NXPE2: variants seen among roughly 807,000 people sequenced by gnomAD.
NXPE2 encodes the protein NXPE family member 2.
Under a neutral mutation model 34.4 loss-of-function variants are expected in NXPE2, and 34 were observed. The observed-to-expected ratio is 0.99, with a 90% confidence interval of 0.75 to 1.31. NXPE2 has a LOEUF of 1.31. Ranked by LOEUF, NXPE2 falls within the 40% of genes most tolerant of loss-of-function variation. NXPE2 has a pLI of 0.00. For missense variants in NXPE2, 649 were observed against 672.5 expected (o/e 0.97, Z 0.39); for synonymous variants, 235 against 231.3 (o/e 1.02, Z -0.15).
At chr11:114,607,932 T>G in the NXPE2 span, among the ~76,000 whole-genome samples, 2 of 152,008 alleles carry the variant, frequency 1.3e-5, no homozygotes, top group African/African-American at 4.8e-5. Flanking sequence ...AAGTATTGCC[T>G]CATGTCTAAC....
At chr11:114,645,830 TTAGA>T in the NXPE2 span, among the ~76,000 whole-genome samples, 3 of 152,216 alleles carry the variant, frequency 2.0e-5, no homozygotes, top group Non-Finnish European at 2.9e-5. Context: ...GTCATGTTCA[TTAGA>T]TAGGCCAAAT....
At chr11:114,594,652 A>G in the NXPE2 span, 10 of 1,547,588 alleles carry the variant, frequency 6.5e-6, no homozygotes, top group African/African-American at 1.2e-4. Flanking sequence ...ACATAAATAA[A>G]GCATTTCCTA....
chr11:114,586,659 G>T, the NXPE2 span, among the ~76,000 whole-genome samples: 2 of 152,114 alleles, frequency 1.3e-5, no homozygotes, highest in African/African-American at 2.4e-5. Context: ...GGCACTGAAG[G>T]TTCCTTGCCA....
the NXPE2 span, among the ~76,000 whole-genome samples, chr11:114,795,215 G>C: frequency 2.0e-5 from 3 of 152,272 alleles, no homozygotes; most frequent in South Asian, 6.2e-4. Flanking sequence ...GTTTGCAAGT[G>C]GTTGGAGAAG....
At chr11:114,690,513 T>C (rs1951130505) in intron 2 of NXPE2, among the ~76,000 whole-genome samples, 1 of 152,164 alleles carries the variant, frequency 6.6e-6, no homozygotes. Context: ...CCTTTTTCTC[T>C]AGCTGCCTTT....
intron 3 of NXPE2, among the ~76,000 whole-genome samples, chr11:114,700,488 A>G (rs984249476): frequency 2.0e-5 from 3 of 152,072 alleles, no homozygotes; most frequent in Non-Finnish European, 4.4e-5. Flanking sequence ...TCTAGGAACC[A>G]TGGTGGAGGT....
the NXPE2 span, among the ~76,000 whole-genome samples, chr11:114,630,882 T>C: frequency 1.3e-5 from 2 of 151,806 alleles, no homozygotes; most frequent in African/African-American, 4.8e-5. Flanking sequence ...CAGACACTTC[T>C]TAAAAGAAGA....
chr11:114,480,149 A>G, the NXPE2 span, among the ~76,000 whole-genome samples: 201 of 152,204 alleles, frequency 1.3e-3, 2 homozygotes, highest in African/African-American at 4.5e-3. Context: ...TTGGAGGGGG[A>G]CACACATCCA....
chr11:114,530,037 G>T, the NXPE2 span: 1 of 839,044 alleles, frequency 1.2e-6, no homozygotes, highest in Non-Finnish European at 1.8e-6. Flanking sequence ...GTGAGTAGAG[G>T]CCCCAAGAAG....
the NXPE2 span, chr11:114,570,760 G>T: frequency 1.9e-6 from 1 of 520,584 alleles, no homozygotes; most frequent in Non-Finnish European, 3.4e-6. Flanking sequence ...ATTTTTAAGT[G>T]GAAGCCCAGA....
At chr11:114,688,074 G>A (rs868473109) in intron 2 of NXPE2, among the ~76,000 whole-genome samples, 1 of 151,956 alleles carries the variant, frequency 6.6e-6, no homozygotes, top group Non-Finnish European at 1.5e-5. Context: ...CTATTTTGAT[G>A]ACTTTTATTT....
the NXPE2 span, among the ~76,000 whole-genome samples, chr11:114,662,269 T>C: frequency 4.6e-5 from 7 of 152,208 alleles, no homozygotes; most frequent in Middle Eastern, 6.8e-3. Context: ...GGCCTTGAAC[T>C]CAGTGCTGCC....
At chr11:114,647,941 C>G in the NXPE2 span, among the ~76,000 whole-genome samples, 5 of 152,146 alleles carry the variant, frequency 3.3e-5, no homozygotes, top group Non-Finnish European at 7.4e-5. Flanking sequence ...ACCTCGTGAT[C>G]CACCTGCCTT....
the NXPE2 span, among the ~76,000 whole-genome samples, chr11:114,495,929 G>A: frequency 3.3e-5 from 5 of 152,132 alleles, no homozygotes; most frequent in Admixed American, 6.5e-5. Flanking sequence ...CTCCTTGAGC[G>A]CAGGAAATAA....
chr11:114,522,588 A>C, the NXPE2 span: 5 of 1,190,014 alleles, frequency 4.2e-6, no homozygotes, highest in South Asian at 1.6e-5. Context: ...TAAAATACCC[A>C]CCCTACCTAG....
At chr11:114,674,360 T>C (rs937781847), upstream of NXPE2, among the ~76,000 whole-genome samples, 2 of 151,772 alleles carry the variant, frequency 1.3e-5, no homozygotes, top group African/African-American at 4.8e-5. Flanking sequence ...CACACATTTA[T>C]CATCAAGTGT....
the NXPE2 span, among the ~76,000 whole-genome samples, chr11:114,497,940 T>C: frequency 1.3e-5 from 2 of 152,172 alleles, no homozygotes; most frequent in Admixed American, 6.6e-5. Context: ...TTTTCTTTTT[T>C]GGGCCTCAGT....
At chr11:114,498,922 A>G in the NXPE2 span, among the ~76,000 whole-genome samples, 1 of 152,046 alleles carries the variant, frequency 6.6e-6, no homozygotes, top group Non-Finnish European at 1.5e-5. Flanking sequence ...GAAGTGTGCC[A>G]TCTTTTTCTC....
chr11:114,634,796 G>T, the NXPE2 span, among the ~76,000 whole-genome samples: 219 of 152,046 alleles, frequency 1.4e-3, 2 homozygotes, highest in African/African-American at 5.1e-3. Context: ...TTATTTCTGA[G>T]GGCTCTGTTC....
Sources: allele counts gnomAD v4.1 joint callset (sites outside exome capture counted in the v4.1 genomes callset), GRCh38; gene constraint gnomAD v4.1.1; transcripts MANE v1.5; gene names NCBI Gene and HGNC (gene_info 2026-07-23, HGNC 2026-07-21).